TRPM3: variants seen among roughly 807,000 people sequenced by gnomAD.
TRPM3 encodes transient receptor potential cation channel subfamily M member 3.
In TRPM3, 77 loss-of-function variants were observed where a neutral mutation model predicts 181.2. That is an observed-to-expected ratio of 0.42 (90% CI 0.35 to 0.51). The LOEUF is 0.51. Ranked by LOEUF, TRPM3 falls within the 20% of genes least tolerant of loss-of-function variation. TRPM3 has a pLI of 0.01. For synonymous variants in TRPM3, 745 were observed against 796.4 expected (o/e 0.94, Z 1.09); for missense variants, 1,759 against 2,196.7 (o/e 0.80, Z 3.98).
chr9:71,368,762 A>G (rs2092419777), intron 1 of TRPM3, among the ~76,000 whole-genome samples: 1 of 152,246 alleles, frequency 6.6e-6, no homozygotes, highest in Non-Finnish European at 1.5e-5. Context: ...ATGATCTATA[A>G]CAAAACGAAA....
At chr9:70,632,358 T>G (rs2066019642) in intron 12 of TRPM3, among the ~76,000 whole-genome samples, 1 of 152,182 alleles carries the variant, frequency 6.6e-6, no homozygotes, top group Admixed American at 6.5e-5. Context: ...ACAAAAGTCT[T>G]CATTTTCAGC....
intron 22 of TRPM3, among the ~76,000 whole-genome samples, chr9:70,580,237 G>T (rs913792102): frequency 6.6e-6 from 1 of 152,230 alleles, no homozygotes; most frequent in South Asian, 2.1e-4. Flanking sequence ...TGACACCTAT[G>T]CATCCCATAA....
intron 1 of TRPM3, among the ~76,000 whole-genome samples, chr9:71,101,030 C>T (rs1591419356): frequency 6.6e-6 from 1 of 152,022 alleles, no homozygotes; most frequent in East Asian, 1.9e-4. Flanking sequence ...TATCTAAAAC[C>T]TAAATAAACC....
chr9:70,568,645 C>T (rs1006490763), intron 22 of TRPM3, among the ~76,000 whole-genome samples: 2 of 152,130 alleles, frequency 1.3e-5, no homozygotes, highest in African/African-American at 2.4e-5. Flanking sequence ...AATTGAAACA[C>T]AAATAGGCAA....
At chr9:70,582,130 TC>T (rs1406926837) in intron 22 of TRPM3, among the ~76,000 whole-genome samples, 4 of 151,934 alleles carry the variant, frequency 2.6e-5, no homozygotes, top group African/African-American at 9.7e-5. Context: ...AACTCTAGAA[TC>T]CCCTTTGAGT....
intron 1 of TRPM3, among the ~76,000 whole-genome samples, chr9:71,350,896 G>A (rs75108934): frequency 0.02 from 2,981 of 152,254 alleles, 58 homozygotes; most frequent in South Asian, 0.066. Context: ...TGGGGAGGGG[G>A]CGATAGTTCT....
chr9:70,986,582 A>G (rs2097424025), intron 1 of TRPM3, among the ~76,000 whole-genome samples: 1 of 152,178 alleles, frequency 6.6e-6, no homozygotes, highest in Non-Finnish European at 1.5e-5. Context: ...ACAGACAAGG[A>G]AACAAAGACC....
At chr9:70,811,078 AC>A (rs2091936074) in intron 6 of TRPM3, 1 of 1,000,204 alleles carries the variant, frequency 1.0e-6, no homozygotes, top group Non-Finnish European at 1.5e-6. Flanking sequence ...AGGGAGTGAT[AC>A]TGTTAGGAAA....
At chr9:71,064,158 C>T (rs997073947) in intron 1 of TRPM3, among the ~76,000 whole-genome samples, 11 of 152,084 alleles carry the variant, frequency 7.2e-5, no homozygotes, top group Non-Finnish European at 1.2e-4. Context: ...TAAAGTAATT[C>T]TTTTCGGTAA....
At chr9:71,352,164 T>C (rs527362862) in intron 1 of TRPM3, among the ~76,000 whole-genome samples, 1 of 152,162 alleles carries the variant, frequency 6.6e-6, no homozygotes, top group South Asian at 2.1e-4. Flanking sequence ...CGTGAGCCAC[T>C]GCACCCGGCT....
intron 1 of TRPM3, among the ~76,000 whole-genome samples, chr9:71,345,544 A>C (rs1010486784): frequency 3.3e-5 from 5 of 151,956 alleles, no homozygotes; most frequent in African/African-American, 1.2e-4. Flanking sequence ...GAACATGAGA[A>C]TACATGGACA....
At chr9:71,417,654 G>A (rs2093656858) in intron 1 of TRPM3, among the ~76,000 whole-genome samples, 1 of 151,854 alleles carries the variant, frequency 6.6e-6, no homozygotes, top group Admixed American at 6.6e-5. Context: ...ATCTGAGAAA[G>A]GTATGAAATA....
intron 1 of TRPM3, among the ~76,000 whole-genome samples, chr9:71,332,376 GGTGTGTGTGTGTGTGTGTGTGTGT>G (rs3041716): frequency 7.0e-6 from 1 of 142,248 alleles, no homozygotes; most frequent in Non-Finnish European, 1.6e-5. Context: ...TTCAATGTTG[GGTGTGTGTGTGTGTGTGTGTGTGT>G]GTGTGTGTGT....
rs933299874 is a variant in TRPM3, at chr9:71,256,719, G to A, written c.183+189934C>T. Among the ~76,000 whole-genome samples, 34 of 152,172 alleles carry A rather than the reference G, an allele frequency of 2.2e-4. No homozygotes were observed. The South Asian group carries it at 2.9e-3, about 13-fold the overall frequency. ...ACAGTTTGATGGGACCAAAACAAAA[G>A]GTATCTGCAAGAACAGATGCCACGT... On this transcript the variant is annotated intron_variant, in intron 1 of 24. Coordinates refer to the TRPM3 transcript ENST00000357533.
At chr9:70,930,351 T>C (rs1177100926) in intron 1 of TRPM3, among the ~76,000 whole-genome samples, 2 of 152,218 alleles carry the variant, frequency 1.3e-5, no homozygotes, top group Non-Finnish European at 2.9e-5. Flanking sequence ...CATAATAATC[T>C]ATGTGTTGGC....
At chr9:71,084,694 C>A (rs2064983256) in intron 1 of TRPM3, among the ~76,000 whole-genome samples, 1 of 151,964 alleles carries the variant, frequency 6.6e-6, no homozygotes, top group African/African-American at 2.4e-5. Context: ...AATGGCCATG[C>A]TGCTTAAAGC....
At chr9:71,327,668 C>A (rs1368249990) in intron 1 of TRPM3, among the ~76,000 whole-genome samples, 1 of 152,176 alleles carries the variant, frequency 6.6e-6, no homozygotes, top group African/African-American at 2.4e-5. Context: ...ATATCCGAAA[C>A]AAAACACACA....
chr9:70,900,848 CA>C (rs1308185579), intron 1 of TRPM3, among the ~76,000 whole-genome samples: 10 of 152,180 alleles, frequency 6.6e-5, no homozygotes, highest in Admixed American at 2.6e-4. Context: ...CTCTACTAAG[CA>C]GGTAGTCACA....
chr9:70,649,191 A>ATT (rs2059295399), intron 9 of TRPM3, among the ~76,000 whole-genome samples: 4 of 114,294 alleles, frequency 3.5e-5, no homozygotes, highest in African/African-American at 1.6e-4. Context: ...ATGAACAGAC[A>ATT]CTTTTTTTTT....
Sources: gnomAD v4.1 joint callset for allele counts (sites outside exome capture counted in the v4.1 genomes callset) on GRCh38, gnomAD v4.1.1 for gene constraint, MANE v1.5 for transcripts, NCBI Gene and HGNC (gene_info 2026-07-23, HGNC 2026-07-21) for gene names.